Variants in LSM14A observed in about 807,000 individuals in gnomAD.
LSM14A encodes protein LSM14 homolog A.
LSM14A carries 14 observed loss-of-function variants against 52.4 expected under a neutral mutation model. That is an observed-to-expected ratio of 0.27 (90% CI 0.18 to 0.42). The LOEUF is 0.42. LSM14A is among the 10% of genes least tolerant of loss of function. The probability of loss-of-function intolerance (pLI) is 1.00; values close to 1 mark genes in which losing one functional copy is unlikely to be tolerated. For synonymous variants in LSM14A, 185 were observed against 200.3 expected (o/e 0.92, Z 0.64); for missense variants, 417 against 581.8 (o/e 0.72, Z 2.91).
intron 1 of LSM14A, among the ~76,000 whole-genome samples, chr19:34,183,033 C>G (rs546962382): frequency 2.0e-5 from 3 of 152,104 alleles, no homozygotes; most frequent in African/African-American, 7.2e-5. Flanking sequence ...TATCCTCCAC[C>G]CTGCTTTTTC....
chr19:34,216,406 C>T (rs1568497225), intron 6 of LSM14A, among the ~76,000 whole-genome samples: 1 of 149,682 alleles, frequency 6.7e-6, no homozygotes, highest in Non-Finnish European at 1.5e-5. Context: ...GAGCCAGACT[C>T]TGTCTCAAAA....
At position 34,172,525 on chromosome 19, in the gene LSM14A, A is replaced by C. The variant is rs1266696714; in HGVS notation, c.-118A>C. The C allele has an allele frequency of 2.6e-4, 275 of 1,059,084 alleles. No individual in the cohort carries two copies. Among genetic ancestry groups the C allele is most frequent in the East Asian group, 1.1e-3 (25 of 23,384 alleles). 65.6% of individuals were successfully genotyped at this position (1,059,084 alleles called of 1,614,324 possible). On this transcript the variant is annotated 5_prime_UTR_variant, in exon 1 of 10. The change abolishes an upstream ATG in the 5' untranslated region. Transcript: ENST00000544216. ...GGGTAGCGGAGCCGGCGCCGCCGCC[A>C]TGTTGGGTCTGAAGCGGCTGCTGTA...
rs2145885570 is a variant in LSM14A at position 34,221,720 on chromosome 19, T to A, written c.1350T>A (p.Phe450Leu). ...GAGGAGGTCGTGGGGGCCGGGAGTT[T>A]GCGGATTTTGAATATAGGGTAAGTG... Reference protein sequence around the residue: ...GFRGGRGGREFADFEYRKDNK... With the variant: ...GFRGGRGGRELADFEYRKDNK... Residue 450 changes from phenylalanine (F) to leucine (L), a missense_variant, in exon 9 of 10, where the codon TTT becomes TTA. Around this residue, in one of 2 missense-constraint regions of LSM14A, gnomAD observed 357 missense variants for 457.0 expected, o/e 0.78. Coordinates refer to ENST00000544216, the MANE Select transcript of LSM14A (RefSeq NM_015578.4). 6.2e-7 allele frequency: 1 copy of A among 1,612,904 alleles called. No homozygotes were observed. Among genetic ancestry groups the A allele is most frequent in the East Asian group, 2.2e-5 (1 of 44,830 alleles).
At chr19:34,174,206 C>T (rs935161057) in intron 1 of LSM14A, among the ~76,000 whole-genome samples, 1 of 152,234 alleles carries the variant, frequency 6.6e-6, no homozygotes, top group Admixed American at 6.5e-5. Context: ...GCCTCGGCCA[C>T]CCAAAGTGCT....
chr19:34,194,880 A>G (rs2070726920), intron 2 of LSM14A, among the ~76,000 whole-genome samples: 1 of 152,222 alleles, frequency 6.6e-6, no homozygotes, highest in Admixed American at 6.5e-5. Context: ...AACAATTACC[A>G]TAGCTAACAT....
In LSM14A at chr19:34,179,741, A is replaced by G. The variant is rs562335764; in HGVS notation, c.121+6978A>G. Among the ~76,000 whole-genome samples the G allele has an allele frequency of 1.1e-4, 17 of 152,338 alleles. No homozygotes were observed. The South Asian group carries it at 3.5e-3, about 32-fold the overall frequency. On this transcript the variant is annotated intron_variant, in intron 1 of 9. Transcript: ENST00000544216. ...AAGAAATCTTATCTGTGCATGATAC[A>G]TAGCAGGAGTTTTGTATTTAACTCA...
At chr19:34,205,357 G>A (rs1162415160) in intron 3 of LSM14A, among the ~76,000 whole-genome samples, 3 of 151,372 alleles carry the variant, frequency 2.0e-5, no homozygotes, top group Non-Finnish European at 2.9e-5. Flanking sequence ...ATGATGGCAG[G>A]TGCCTGTAAT....
chr19:34,217,958 TAGATTTTACAGACACAGAC>T (rs2072776175), intron 6 of LSM14A, among the ~76,000 whole-genome samples: 1 of 151,166 alleles, frequency 6.6e-6, no homozygotes, highest in South Asian at 2.1e-4. Flanking sequence ...ATTTTTTTTG[TAGATTTTACAGACACAGAC>T]ATCTATACCC....
chr19:34,202,327 C>G (rs1599692131), intron 3 of LSM14A, among the ~76,000 whole-genome samples: 1 of 147,160 alleles, frequency 6.8e-6, no homozygotes, highest in African/African-American at 2.5e-5. Flanking sequence ...AACCCTGGCT[C>G]TACAAAAAAA....
intron 9 of LSM14A, among the ~76,000 whole-genome samples, chr19:34,227,161 T>C (rs2073385242): frequency 6.6e-6 from 1 of 152,212 alleles, no homozygotes; most frequent in African/African-American, 2.4e-5. Context: ...CTCTACTGAC[T>C]GGAAGATGCA....
Position 34,192,412 on chromosome 19 carries a change from G to A in LSM14A, c.122-2066G>A, listed in dbSNP as rs149198815. On this transcript the variant is annotated intron_variant, in intron 1 of 9. Coordinates refer to ENST00000544216, the MANE Select transcript of LSM14A (RefSeq NM_015578.4). ...GCCATCTTGGCTCACTGCAACTTCTGCCTCTTGAGTTCAGCCAATCCTCCC... is the reference window on the plus strand; with the variant it reads ...GCCATCTTGGCTCACTGCAACTTCTACCTCTTGAGTTCAGCCAATCCTCCC... Among the ~76,000 whole-genome samples, 1,073 of 130,860 alleles carry A rather than the reference G, an allele frequency of 8.2e-3. 14 individuals are homozygous for A. The highest frequency in any genetic ancestry group is 0.028 in the African/African-American group (988 of 35,200). The allele number at this position is 130,860 out of a possible 152,430, so 85.8% of individuals were successfully genotyped here.
In LSM14A at chr19:34,221,643, G is replaced by A. The variant is rs756441899; in HGVS notation, c.1273G>A (p.Gly425Ser). Residue 425 changes from glycine (G) to serine (S), a missense_variant, in exon 9 of 10, where the codon GGT becomes AGT. Gly to Ser is a moderately conservative substitution (Grantham distance 56, BLOSUM62 0). Transcript: ENST00000544216. Reference sequence around the variant, plus strand: ...TTTCCGTGGTGGCAGAGGGCGTGGTGGTGGCAGAGGTGGTACCTTCACTGC... The same window carrying A: ...TTTCCGTGGTGGCAGAGGGCGTGGTAGTGGCAGAGGTGGTACCTTCACTGC... ...LGFRGGRGRG[G>S]GRGGTFTAPR... 2 of 1,614,146 alleles carry A rather than the reference G, an allele frequency of 1.2e-6. No homozygotes were observed. The highest frequency in any genetic ancestry group is 1.1e-5 in the South Asian group (1 of 91,080).
intron 4 of LSM14A, among the ~76,000 whole-genome samples, chr19:34,212,107 C>T (rs1461316571): frequency 6.6e-6 from 1 of 152,050 alleles, no homozygotes; most frequent in South Asian, 2.1e-4. Flanking sequence ...TAACATTTTG[C>T]GAGTTCAAGA....
intron 4 of LSM14A, among the ~76,000 whole-genome samples, chr19:34,211,195 T>C (rs1351991225): frequency 6.6e-6 from 1 of 151,514 alleles, no homozygotes; most frequent in Admixed American, 6.6e-5. Flanking sequence ...TAATCCCAGC[T>C]ACTCAGGAGG....
At chr19:34,202,871 A>C (rs952906463) in intron 3 of LSM14A, among the ~76,000 whole-genome samples, 1 of 152,006 alleles carries the variant, frequency 6.6e-6, no homozygotes, top group Non-Finnish European at 1.5e-5. Flanking sequence ...GTTAGCCAGG[A>C]TGGTCTCGAT....
intron 3 of LSM14A, among the ~76,000 whole-genome samples, chr19:34,205,495 A>C (rs2071625055): frequency 7.5e-5 from 4 of 53,462 alleles, no homozygotes; most frequent in Non-Finnish European, 1.4e-4. Context: ...CACAAAAAAA[A>C]AAAAAAAAAA....
chr19:34,183,485 A>G (rs947655920), intron 1 of LSM14A, among the ~76,000 whole-genome samples: 8 of 152,096 alleles, frequency 5.3e-5, no homozygotes, highest in Non-Finnish European at 8.8e-5. Flanking sequence ...CAGGAGGCAG[A>G]GGTTACAGTG....
Position 34,215,231 on chromosome 19 carries a change from A to C in LSM14A, c.646A>C (p.Ser216Arg). The C allele has an allele frequency of 6.2e-7, 1 of 1,614,192 alleles. No homozygotes were observed. Among genetic ancestry groups the C allele is most frequent in the Non-Finnish European group, 8.5e-7 (1 of 1,180,032 alleles). The change falls in exon 5 of 10, where the codon AGT becomes CGT. Residue 216 changes from serine (S) to arginine (R), a missense_variant. Around this residue, in one of 2 missense-constraint regions of LSM14A, gnomAD observed 357 missense variants for 457.0 expected, o/e 0.78. Transcript: ENST00000544216. ...TGCTCCAGCAGCTGTTGGGAGAAGG[A>C]GTCCTGTATCAACCAGGCCTTTGCC... ...LPAPAAVGRR[S>R]PVSTRPLPSA...
At chr19:34,190,073 T>G (rs941822023) in intron 1 of LSM14A, among the ~76,000 whole-genome samples, 4 of 152,228 alleles carry the variant, frequency 2.6e-5, no homozygotes, top group African/African-American at 9.6e-5. Context: ...TGTGTTGTAG[T>G]AGAATAGTTC....
Sources: allele counts gnomAD v4.1 joint callset (sites outside exome capture counted in the v4.1 genomes callset), GRCh38; gene constraint gnomAD v4.1.1; regional missense constraint gnomAD v4.1.1; transcripts MANE v1.5; gene names NCBI Gene and HGNC (gene_info 2026-07-23, HGNC 2026-07-21).